The following CGGBP1 variants were observed in gnomAD, a reference collection of about 807,000 sequenced individuals.
CGGBP1 encodes the protein CGG triplet repeat binding protein 1, also known as CGG triplet repeat-binding protein 1.
CGGBP1 carries 4 observed loss-of-function variants against 11.4 expected under a neutral mutation model. That is an observed-to-expected ratio of 0.35 (90% confidence interval 0.17 to 0.80). The LOEUF (loss-of-function observed/expected upper bound fraction) is 0.80. Among genes scored for constraint, CGGBP1 ranks in the 30% least tolerant of loss-of-function variants. The probability of loss-of-function intolerance (pLI) is 0.52; values close to 1 mark genes in which losing one functional copy is unlikely to be tolerated. For missense variants in CGGBP1, 135 were observed against 202.1 expected (o/e 0.67, Z 2.01); for synonymous variants, 76 against 74.1 (o/e 1.03, Z -0.13).
chr3:88,138,794 A>T, intron 2 of CGGBP1: 1 of 1,232,056 alleles, frequency 8.1e-7, no homozygotes, highest in East Asian at 3.2e-5. Flanking sequence ...CTAAATGTCT[A>T]ATTTATAAAA....
intron 2 of CGGBP1, chr3:88,135,451 A>G (rs1706718990): frequency 3.7e-6 from 1 of 269,764 alleles, no homozygotes; most frequent in African/African-American, 2.2e-5. Flanking sequence ...TTATAATTAA[A>G]TATTTGTTAC....
At chr3:88,100,943 A>G (rs1248245103) in intron 2 of CGGBP1, among the ~76,000 whole-genome samples, 1 of 152,176 alleles carries the variant, frequency 6.6e-6, no homozygotes, top group Non-Finnish European at 1.5e-5. Context: ...CATGTACCCT[A>G]AAACTTAAAG....
At chr3:88,098,627 T>C (rs1704209877) in intron 2 of CGGBP1, among the ~76,000 whole-genome samples, 1 of 152,138 alleles carries the variant, frequency 6.6e-6, no homozygotes, top group African/African-American at 2.4e-5. Flanking sequence ...AAAAAGCTTA[T>C]CCACCATGAT....
Position 88,096,298 on chromosome 3 carries a change from G to A in CGGBP1, c.-228-38075C>T, listed in dbSNP as rs1209174323. Among the ~76,000 whole-genome samples, 3 of 152,074 alleles carry A rather than the reference G, an allele frequency of 2.0e-5. No homozygotes were observed. The East Asian group carries it at 5.8e-4, about 29-fold the overall frequency. Reference sequence around the variant, plus strand: ...TTAGCTCTAGAAATGGAGGGACAAAGGAAGAAGAAAGTATTACTAGAGCCC... The same window carrying A: ...TTAGCTCTAGAAATGGAGGGACAAAAGAAGAAGAAAGTATTACTAGAGCCC... On this transcript the variant is annotated intron_variant, in intron 2 of 3. Transcript: ENST00000462901.
intron 2 of CGGBP1, chr3:88,140,700 C>T (rs747734872): frequency 6.2e-7 from 1 of 1,613,686 alleles, no homozygotes; most frequent in African/African-American, 1.3e-5. Flanking sequence ...TTCCATTTTG[C>T]CCAGTGTTGT....
intron 2 of CGGBP1, among the ~76,000 whole-genome samples, chr3:88,075,315 G>C (rs1285052163): frequency 6.6e-6 from 1 of 152,122 alleles, no homozygotes; most frequent in Non-Finnish European, 1.5e-5. Context: ...TTCTGCTCTT[G>C]CATCTGTATT....
rs1187880889 is a variant in CGGBP1 at position 88,082,743 on chromosome 3, AAC to A, written c.-228-24522_-228-24521del. 2.0e-5 allele frequency among the ~76,000 whole-genome samples: 3 copies of A among 152,202 alleles called. No homozygotes were observed. In the East Asian group the frequency reaches 5.8e-4, roughly 29 times the overall value. ...ACAAAAAAGGAGAGCTCAATTAAGA[AAC>A]AGATACTCATATTTTAGTTGATCAC... On this transcript the variant is annotated intron_variant, in intron 2 of 3. Coordinates refer to the CGGBP1 transcript ENST00000462901.
At chr3:88,129,432 T>A (rs1706316923) in intron 2 of CGGBP1, among the ~76,000 whole-genome samples, 1 of 151,864 alleles carries the variant, frequency 6.6e-6, no homozygotes, top group South Asian at 2.1e-4. Flanking sequence ...GTGAAGGAAT[T>A]AATCTTTTCC....
chr3:88,091,572 T>G (rs1403404521), intron 2 of CGGBP1, among the ~76,000 whole-genome samples: 1 of 152,204 alleles, frequency 6.6e-6, no homozygotes, highest in Non-Finnish European at 1.5e-5. Context: ...TCTCTTGCAT[T>G]GCCTGCTAGC....
At chr3:88,135,007 T>G in intron 2 of CGGBP1, 1 of 1,215,886 alleles carries the variant, frequency 8.2e-7, no homozygotes, top group Non-Finnish European at 1.1e-6. Context: ...ATAGCTAATG[T>G]CTGTATTTGA....
chr3:88,124,471 A>G (rs1451352399), intron 2 of CGGBP1, among the ~76,000 whole-genome samples: 2 of 152,212 alleles, frequency 1.3e-5, no homozygotes, highest in Admixed American at 1.3e-4. Context: ...TTCTTCTCTC[A>G]TAAAACAAGT....
At chr3:88,072,156 G>A (rs1559690693) in intron 2 of CGGBP1, among the ~76,000 whole-genome samples, 1 of 152,058 alleles carries the variant, frequency 6.6e-6, no homozygotes, top group Admixed American at 6.5e-5. Flanking sequence ...AACCATCCTT[G>A]CTCTAAAGGA....
chr3:88,069,090 A>T (rs1040253568), intron 2 of CGGBP1, among the ~76,000 whole-genome samples: 1 of 152,200 alleles, frequency 6.6e-6, no homozygotes, highest in African/African-American at 2.4e-5. Flanking sequence ...AAACAGAAGA[A>T]AAAAATCAAA....
At chr3:88,088,217 A>G (rs1377872574) in intron 2 of CGGBP1, among the ~76,000 whole-genome samples, 1 of 152,204 alleles carries the variant, frequency 6.6e-6, no homozygotes, top group Admixed American at 6.5e-5. Context: ...ATCAGTCAAG[A>G]AACTCCAGAC....
intron 2 of CGGBP1, among the ~76,000 whole-genome samples, chr3:88,088,580 TC>T (rs959255520): frequency 3.3e-5 from 5 of 152,106 alleles, no homozygotes; most frequent in Admixed American, 2.0e-4. Context: ...GAAGAAGAAA[TC>T]CAGAATGTAA....
chr3:88,091,188 G>A (rs4858997), intron 2 of CGGBP1, among the ~76,000 whole-genome samples: 119,124 of 152,074 alleles, frequency 0.78, 47,577 homozygotes, highest in South Asian at 0.91. Flanking sequence ...ACATATCCCT[G>A]TCGTTAAGCA....
chr3:88,136,310 G>T (rs918819958), intron 2 of CGGBP1, among the ~76,000 whole-genome samples: 2 of 151,730 alleles, frequency 1.3e-5, no homozygotes, highest in Non-Finnish European at 2.9e-5. Flanking sequence ...TCATATGTGG[G>T]GTAAACCTGC....
intron 2 of CGGBP1, chr3:88,086,425 A>C: frequency 6.9e-7 from 1 of 1,456,806 alleles, no homozygotes; most frequent in Non-Finnish European, 9.1e-7. Flanking sequence ...TACTTCTTAT[A>C]AATGCATTAT....
intron 2 of CGGBP1, among the ~76,000 whole-genome samples, chr3:88,104,079 T>C (rs1704596432): frequency 6.6e-6 from 1 of 152,042 alleles, no homozygotes. Context: ...CGAGAAAATA[T>C]ATTTCTAAAG....
Sources: gnomAD v4.1 joint callset for allele counts (sites outside exome capture counted in the v4.1 genomes callset) on GRCh38, gnomAD v4.1.1 for gene constraint, MANE v1.5 for transcripts, NCBI Gene and HGNC (gene_info 2026-07-23, HGNC 2026-07-21) for gene names.